The following PEAK1 variants were observed in gnomAD, a reference collection of about 807,000 sequenced individuals.
The protein encoded by PEAK1 is pseudopodium enriched atypical kinase 1, also known as inactive tyrosine-protein kinase PEAK1.
A neutral mutation model predicts 124.7 loss-of-function variants in PEAK1; 54 were observed. The ratio of observed to expected loss-of-function variants is 0.43; its 90% CI spans 0.35 to 0.54. The LOEUF is 0.54. Among genes scored for constraint, PEAK1 ranks in the 20% least tolerant of loss-of-function variants. The probability of loss-of-function intolerance (pLI) is 0.01; values close to 1 mark genes in which losing one functional copy is unlikely to be tolerated. For synonymous variants in PEAK1, 719 were observed against 760.0 expected (o/e 0.95, Z 0.89); for missense variants, 2,046 against 2,134.5 (o/e 0.96, Z 0.82).
intron 1 of PEAK1, among the ~76,000 whole-genome samples, chr15:77,372,738 G>T (rs1426138114): frequency 2.6e-5 from 4 of 152,140 alleles, no homozygotes; most frequent in African/African-American, 9.7e-5. Flanking sequence ...GTTGGAGGTG[G>T]GGCCTGGTGG....
At chr15:77,266,159 A>C (rs899988891) in intron 5 of PEAK1, among the ~76,000 whole-genome samples, 1 of 152,110 alleles carries the variant, frequency 6.6e-6, no homozygotes, top group East Asian at 1.9e-4. Flanking sequence ...GCTAGATGAC[A>C]AGTTAGTGGG....
chr15:77,274,576 G>C (rs1056288247), intron 5 of PEAK1, among the ~76,000 whole-genome samples: 1 of 151,742 alleles, frequency 6.6e-6, no homozygotes, highest in Admixed American at 6.6e-5. Flanking sequence ...CCTTACTCCT[G>C]CAACAATAAC....
chr15:77,256,636 T>C (rs2061151684), intron 5 of PEAK1, among the ~76,000 whole-genome samples: 1 of 152,140 alleles, frequency 6.6e-6, no homozygotes, highest in South Asian at 2.1e-4. Flanking sequence ...AAAAACTAGA[T>C]GAAATTCAAA....
At chr15:77,235,850 A>T (rs1484678132) in intron 6 of PEAK1, among the ~76,000 whole-genome samples, 1 of 152,212 alleles carries the variant, frequency 6.6e-6, no homozygotes, top group Non-Finnish European at 1.5e-5. Flanking sequence ...CAGCTGCTTC[A>T]GCTCCAGCAT....
intron 2 of PEAK1, among the ~76,000 whole-genome samples, chr15:77,343,125 T>C (rs2066644996): frequency 1.3e-5 from 2 of 152,226 alleles, no homozygotes; most frequent in Non-Finnish European, 2.9e-5. Flanking sequence ...TGCCAATACT[T>C]GTTTTCTGTT....
At chr15:77,256,439 T>C (rs1383550876) in intron 5 of PEAK1, among the ~76,000 whole-genome samples, 2 of 151,810 alleles carry the variant, frequency 1.3e-5, no homozygotes, top group Admixed American at 6.6e-5. Flanking sequence ...AGAATGGAAA[T>C]ACAATGGTCT....
intron 1 of PEAK1, chr15:77,419,048 C>T: frequency 5.1e-6 from 5 of 985,358 alleles, no homozygotes; most frequent in Non-Finnish European, 6.0e-6. Flanking sequence ...ATAGCAAGGC[C>T]AATAAAGATG....
At chr15:77,350,038 G>A (rs2067111240) in intron 2 of PEAK1, 1 of 985,166 alleles carries the variant, frequency 1.0e-6, no homozygotes, top group Non-Finnish European at 1.2e-6. Context: ...AATGTAGGAA[G>A]TCAGGGCTCA....
At chr15:77,348,060 T>C (rs992193354) in intron 2 of PEAK1, 1 of 985,030 alleles carries the variant, frequency 1.0e-6, no homozygotes, top group Non-Finnish European at 1.2e-6. Context: ...TGCACTTTTC[T>C]ACAAAAACAT....
chr15:77,348,519 CCTT>C, intron 2 of PEAK1: 2 of 964,556 alleles, frequency 2.1e-6, no homozygotes, highest in Non-Finnish European at 2.5e-6. Context: ...AGGCCAAACT[CCTT>C]TATTTTACCT....
chr15:77,159,246 C>T (rs1190765630), intron 7 of PEAK1, among the ~76,000 whole-genome samples: 1 of 152,140 alleles, frequency 6.6e-6, no homozygotes, highest in Non-Finnish European at 1.5e-5. Context: ...CCAGGAAGGT[C>T]TTGTTGCCAA....
downstream of PEAK1, chr15:77,107,914 A>T (rs932128119): frequency 6.6e-6 from 1 of 152,276 alleles, no homozygotes; most frequent in Non-Finnish European, 1.5e-5. Context: ...GAAAAGCAGA[A>T]TGCCTTTGCT....
chr15:77,415,219 C>A (rs2072774137), intron 1 of PEAK1, among the ~76,000 whole-genome samples: 1 of 152,180 alleles, frequency 6.6e-6, no homozygotes, highest in African/African-American at 2.4e-5. Context: ...AACTAACAAT[C>A]CTTCTTCAGT....
At chr15:77,382,401 T>C (rs2069555798) in intron 1 of PEAK1, among the ~76,000 whole-genome samples, 1 of 152,236 alleles carries the variant, frequency 6.6e-6, no homozygotes, top group Non-Finnish European at 1.5e-5. Flanking sequence ...CTTCCATACC[T>C]TGGCTCATTC....
At chr15:77,301,712 G>A (rs578061989) in intron 2 of PEAK1, among the ~76,000 whole-genome samples, 1 of 152,202 alleles carries the variant, frequency 6.6e-6, no homozygotes, top group South Asian at 2.1e-4. Context: ...TTTCTCTATT[G>A]TAATGTTACC....
intron 2 of PEAK1, chr15:77,335,972 T>C: frequency 2.0e-6 from 2 of 985,428 alleles, no homozygotes; most frequent in Middle Eastern, 1.0e-3. Flanking sequence ...TTAGGTATAA[T>C]GATGGACTAG....
chr15:77,129,984 T>C (rs1373893363), intron 9 of PEAK1, among the ~76,000 whole-genome samples: 1 of 152,186 alleles, frequency 6.6e-6, no homozygotes, highest in Non-Finnish European at 1.5e-5. Flanking sequence ...CAGAGGGTCT[T>C]AAAAGAGACA....
chr15:77,202,474 A>G (rs1242122467), intron 6 of PEAK1, among the ~76,000 whole-genome samples: 1 of 152,140 alleles, frequency 6.6e-6, no homozygotes, highest in Non-Finnish European at 1.5e-5. Flanking sequence ...TAAGAAAATC[A>G]TCTTTGGGGC....
intron 1 of PEAK1, among the ~76,000 whole-genome samples, chr15:77,382,383 G>C (rs1056471433): frequency 5.9e-5 from 9 of 152,152 alleles, no homozygotes; most frequent in African/African-American, 1.9e-4. Flanking sequence ...CTTTAACGTT[G>C]TCTAATACTT....
Sources: allele counts gnomAD v4.1 joint callset (sites outside exome capture counted in the v4.1 genomes callset), GRCh38; gene constraint gnomAD v4.1.1; transcripts MANE v1.5; gene names NCBI Gene and HGNC (gene_info 2026-07-23, HGNC 2026-07-21).